Variants in SVIL observed in about 807,000 individuals in gnomAD.
SVIL encodes archvillin.
A neutral mutation model predicts 240.4 loss-of-function variants in SVIL; 101 were observed. The observed-to-expected ratio is 0.42, with a 90% CI of 0.36 to 0.50. The LOEUF is 0.50. Ranked by LOEUF, SVIL falls within the 20% of genes least tolerant of loss-of-function variation. SVIL has a pLI of 0.01. For missense variants in SVIL, 2,512 were observed against 2,818.7 expected, an observed-to-expected ratio of 0.89 and a Z score of 2.46; for synonymous variants, 999 against 1,100.0, an observed-to-expected ratio of 0.91 and a Z score of 1.82.
rs16930252 is a variant in SVIL, at chr10:29,474,151, G to A, written c.5378-162C>T. 0.087 allele frequency among the ~76,000 whole-genome samples: 13,309 copies of A among 152,160 alleles called. 597 individuals carry two copies. The highest frequency in any genetic ancestry group is 0.12 in the Admixed American group (1,909 of 15,290). On this transcript the variant is annotated intron_variant, in intron 29 of 37. Transcript: ENST00000355867. ...GGCACCTGGAGGGAAGGCTGGTCACGCCCAGGAGAAGAGAAAAACCACCTT... is the reference window on the plus strand; with the variant it reads ...GGCACCTGGAGGGAAGGCTGGTCACACCCAGGAGAAGAGAAAAACCACCTT...
chr10:29,678,422 C>T (rs912612617), intron 2 of SVIL, among the ~76,000 whole-genome samples: 7 of 152,144 alleles, frequency 4.6e-5, no homozygotes, highest in African/African-American at 4.8e-5. Context: ...ACTGCTGATC[C>T]GACAGGAGGC....
chr10:29,609,590 G>A (rs1001567615), intron 1 of SVIL, among the ~76,000 whole-genome samples: 2 of 152,262 alleles, frequency 1.3e-5, no homozygotes, highest in African/African-American at 2.4e-5. Context: ...GTGACATGCT[G>A]TAACACCTAT....
chr10:29,636,690 T>TAA (rs1192855168), upstream of SVIL, among the ~76,000 whole-genome samples: 2 of 152,232 alleles, frequency 1.3e-5, no homozygotes, highest in Non-Finnish European at 1.5e-5. Context: ...CCAATGATGA[T>TAA]AATCATGAAT....
chr10:29,701,261 CTT>C (rs1962493169), intron 1 of SVIL, among the ~76,000 whole-genome samples: 1 of 152,134 alleles, frequency 6.6e-6, no homozygotes, highest in African/African-American at 2.4e-5. Flanking sequence ...GATGGTCTCT[CTT>C]TTTTCTTTTT....
intron 2 of SVIL, chr10:29,671,021 C>T (rs937047838): frequency 6.6e-6 from 1 of 152,134 alleles, no homozygotes; most frequent in Non-Finnish European, 1.5e-5. Flanking sequence ...GATGAGGGAC[C>T]AGATCAAAAT....
intron 33 of SVIL, among the ~76,000 whole-genome samples, chr10:29,466,926 G>T (rs542105669): frequency 1.8e-4 from 27 of 152,244 alleles, no homozygotes; most frequent in African/African-American, 5.1e-4. Context: ...ACATTGAGGG[G>T]CAGAGTATTA....
chr10:29,465,549 G>A (rs777940872), intron 34 of SVIL, 46 bp downstream of exon 34: 23 of 1,543,454 alleles, frequency 1.5e-5, no homozygotes, highest in Non-Finnish European at 1.9e-5. Context: ...CTTTCTGGAA[G>A]ATGTGCCTTC....
At chr10:29,478,081 A>G (rs1272986298) in intron 29 of SVIL, among the ~76,000 whole-genome samples, 4 of 152,218 alleles carry the variant, frequency 2.6e-5, no homozygotes, top group African/African-American at 4.8e-5. Context: ...GGGCACTACA[A>G]GTGCCTTTAG....
intron 1 of SVIL, among the ~76,000 whole-genome samples, chr10:29,730,365 A>T (rs1964549672): frequency 6.6e-6 from 1 of 152,152 alleles, no homozygotes; most frequent in Non-Finnish European, 1.5e-5. Context: ...GCTTCGTATA[A>T]GTTGACCCTT....
At chr10:29,538,797 T>C (rs1951925412) in intron 6 of SVIL, among the ~76,000 whole-genome samples, 3 of 152,236 alleles carry the variant, frequency 2.0e-5, no homozygotes, top group South Asian at 2.1e-4. Context: ...CAACTTATGA[T>C]GGATTTATTG....
intron 1 of SVIL, among the ~76,000 whole-genome samples, chr10:29,585,816 C>T (rs969089727): frequency 2.0e-5 from 3 of 152,212 alleles, no homozygotes; most frequent in Admixed American, 6.5e-5. Context: ...AGCCGCGGTT[C>T]GCGTCTGTCT....
At chr10:29,515,943 G>A (rs1250746889) in intron 16 of SVIL, among the ~76,000 whole-genome samples, 3 of 152,068 alleles carry the variant, frequency 2.0e-5, no homozygotes, top group Admixed American at 6.5e-5. Context: ...AAGACACTGG[G>A]AATTGTTATT....
At chr10:29,459,819 A>G (rs1944024909) in intron 36 of SVIL, among the ~76,000 whole-genome samples, 1 of 152,156 alleles carries the variant, frequency 6.6e-6, no homozygotes, top group Admixed American at 6.5e-5. Context: ...GGCTGGGTGC[A>G]GTGACTTGTG....
chr10:29,501,372 G>A (rs980513902), intron 17 of SVIL, among the ~76,000 whole-genome samples: 4 of 151,096 alleles, frequency 2.6e-5, no homozygotes, highest in African/African-American at 9.7e-5. Flanking sequence ...AAAGGTAGAG[G>A]AGCACAATGT....
At chr10:29,712,321 G>A (rs778632293) in intron 1 of SVIL, among the ~76,000 whole-genome samples, 1 of 152,172 alleles carries the variant, frequency 6.6e-6, no homozygotes, top group Non-Finnish European at 1.5e-5. Flanking sequence ...TGCTCTTTCT[G>A]GGGGGCGGGG....
At chr10:29,616,141 G>A (rs879294739) in intron 1 of SVIL, among the ~76,000 whole-genome samples, 4 of 152,224 alleles carry the variant, frequency 2.6e-5, no homozygotes, top group Middle Eastern at 3.4e-3. Flanking sequence ...GGGTTCAAGC[G>A]ATTCTCGTGC....
Position 29,646,829 on chromosome 10 carries a change from A to G in SVIL, c.-201+11140T>C, listed in dbSNP as rs1016120862. 2.0e-5 allele frequency among the ~76,000 whole-genome samples: 3 copies of G among 152,170 alleles called. No homozygotes were observed. In the East Asian group the frequency reaches 5.8e-4, roughly 29 times the overall value. On this transcript the variant is annotated intron_variant, in intron 3 of 35. Transcript: ENST00000375400. The stretch of plus-strand genomic sequence containing the variant: ...AGAAGCAACATCCTGGTCTCCATCC[A>G]GGGAGAGGAGAAGCAGGGAGTAGCA...
chr10:29,705,082 A>G (rs919399617), intron 1 of SVIL, among the ~76,000 whole-genome samples: 15 of 152,196 alleles, frequency 9.9e-5, no homozygotes, highest in Admixed American at 4.6e-4. Context: ...TTAAAAATAT[A>G]GTAATATAAA....
chr10:29,596,065 T>C (rs1358074521), intron 1 of SVIL, among the ~76,000 whole-genome samples: 2 of 152,226 alleles, frequency 1.3e-5, no homozygotes, highest in African/African-American at 2.4e-5. Context: ...GTGTCACATA[T>C]GAGAGCACAG....
Sources: allele counts gnomAD v4.1 joint callset (sites outside exome capture counted in the v4.1 genomes callset), GRCh38; gene constraint gnomAD v4.1.1; transcripts MANE v1.5; gene names NCBI Gene and HGNC (gene_info 2026-07-23, HGNC 2026-07-21).